PARD3B: variants seen among roughly 807,000 people sequenced by gnomAD.
The protein encoded by PARD3B is par-3 family cell polarity regulator beta.
Under a neutral mutation model 130.2 loss-of-function variants are expected in PARD3B, and 103 were observed. The ratio of observed to expected loss-of-function variants is 0.79; its 90% CI spans 0.67 to 0.93. The LOEUF (loss-of-function observed/expected upper bound fraction) is 0.93. PARD3B is among the 40% of genes least tolerant of loss of function. The pLI, the probability that PARD3B is intolerant of heterozygous loss-of-function variation, is 0.00. For synonymous variants in PARD3B, 583 were observed against 553.2 expected (o/e 1.05, Z -0.76); for missense variants, 1,609 against 1,499.2 (o/e 1.07, Z -1.21).
At chr2:204,900,080 T>A (rs2046802789) in intron 2 of PARD3B, among the ~76,000 whole-genome samples, 1 of 152,122 alleles carries the variant, frequency 6.6e-6, no homozygotes, top group Non-Finnish European at 1.5e-5. Context: ...TTAAATGCCT[T>A]TAGGTAGTCT....
intron 2 of PARD3B, among the ~76,000 whole-genome samples, chr2:204,835,144 A>G (rs780872941): frequency 3.3e-5 from 5 of 152,240 alleles, no homozygotes; most frequent in African/African-American, 4.8e-5. Context: ...AGTCATGTAT[A>G]TATCTGTCTC....
chr2:204,578,855 T>C (rs1416028222), intron 1 of PARD3B, among the ~76,000 whole-genome samples: 1 of 152,072 alleles, frequency 6.6e-6, no homozygotes, highest in Non-Finnish European at 1.5e-5. Flanking sequence ...AGAGAGGTCA[T>C]AATCTGGGAA....
rs1449220932 is a variant in PARD3B, at chr2:205,197,823, A to AC, written c.2140+4504dup. Among the ~76,000 whole-genome samples, 3 of 152,022 alleles carry AC rather than the reference A, an allele frequency of 2.0e-5. No homozygotes were observed. In the East Asian group the frequency reaches 5.8e-4, roughly 29 times the overall value. ...ACCAGAATTACTGTGTTCAGTCTGG[A>AC]CTCCTTTAATTTGTTCATAATTGAG... On this transcript the variant is annotated intron_variant, in intron 15 of 22. Coordinates refer to ENST00000406610, the MANE Select transcript of PARD3B (RefSeq NM_001302769.2).
chr2:204,819,711 T>TA lies in PARD3B; in HGVS notation c.222+133434dup, dbSNP rs780597191. The stretch of plus-strand genomic sequence containing the variant: ...CATAGATAAAGTTCTCGAAGGAAAT[T>TA]AAAAAGACTCTTACAGTAAACACAT... On this transcript the variant is annotated intron_variant, in intron 2 of 22. Transcript: ENST00000406610. Among the ~76,000 whole-genome samples the TA allele has an allele frequency of 6.6e-5, 10 of 152,232 alleles. No homozygotes were observed. The South Asian group carries it at 8.3e-4, about 13-fold the overall frequency.
intron 18 of PARD3B, among the ~76,000 whole-genome samples, chr2:205,354,280 C>T (rs1333721659): frequency 3.3e-5 from 5 of 151,568 alleles, no homozygotes; most frequent in East Asian, 1.9e-4. Context: ...CCACTGCCCC[C>T]GTTCAGTTAC....
At chr2:205,124,507 G>T (rs954836037) in intron 9 of PARD3B, 41 bp downstream of exon 9, 28 of 1,468,440 alleles carry the variant, frequency 1.9e-5, no homozygotes, top group Non-Finnish European at 2.4e-5. Flanking sequence ...ATATTTCTTG[G>T]CATTTAAATA....
At chr2:204,761,805 A>T (rs1241060653) in intron 2 of PARD3B, among the ~76,000 whole-genome samples, 2 of 152,126 alleles carry the variant, frequency 1.3e-5, no homozygotes, top group Non-Finnish European at 2.9e-5. Context: ...ACAGTGATTT[A>T]TCTGACATGT....
At chr2:205,508,339 G>A (rs1461203406) in intron 21 of PARD3B, among the ~76,000 whole-genome samples, 6 of 152,138 alleles carry the variant, frequency 3.9e-5, no homozygotes, top group Admixed American at 1.3e-4. Flanking sequence ...TTGGGAGGCC[G>A]AGATGAGAGG....
chr2:205,474,364 T>A (rs2048953509), intron 20 of PARD3B, among the ~76,000 whole-genome samples: 1 of 152,194 alleles, frequency 6.6e-6, no homozygotes, highest in African/African-American at 2.4e-5. Context: ...TGTTTATCAC[T>A]GCATATAAAA....
chr2:204,672,229 C>T (rs1365965601), intron 1 of PARD3B, among the ~76,000 whole-genome samples: 2 of 152,180 alleles, frequency 1.3e-5, no homozygotes, highest in East Asian at 3.8e-4. Context: ...AGGCTATTTT[C>T]TGAAAAGTTT....
At chr2:205,103,097 T>A (rs13432993) in intron 4 of PARD3B, among the ~76,000 whole-genome samples, 1 of 146,858 alleles carries the variant, frequency 6.8e-6, no homozygotes, top group African/African-American at 2.5e-5. Flanking sequence ...TTTATTTTTT[T>A]ATTTTTATAT....
chr2:205,449,532 C>G (rs1172495359), intron 20 of PARD3B, among the ~76,000 whole-genome samples: 1 of 152,074 alleles, frequency 6.6e-6, no homozygotes, highest in South Asian at 2.1e-4. Flanking sequence ...CGCCTGGCCC[C>G]CTTTATTTTT....
At chr2:204,938,124 C>T (rs927558992) in intron 2 of PARD3B, among the ~76,000 whole-genome samples, 5 of 152,106 alleles carry the variant, frequency 3.3e-5, no homozygotes, top group African/African-American at 1.2e-4. Flanking sequence ...TTTTGTCTGG[C>T]TGGATGTCCA....
intron 2 of PARD3B, among the ~76,000 whole-genome samples, chr2:204,912,516 TAACA>T (rs1197248279): frequency 2.6e-5 from 4 of 152,310 alleles, no homozygotes; most frequent in Admixed American, 2.0e-4. Context: ...TATACTTTAC[TAACA>T]GTTTCATCAA....
chr2:204,809,460 T>C (rs114670582), intron 2 of PARD3B, among the ~76,000 whole-genome samples: 2,837 of 152,268 alleles, frequency 0.019, 41 homozygotes, highest in Non-Finnish European at 0.027. Flanking sequence ...GTATATGATA[T>C]AAGGAAATGG....
At chr2:205,602,677 G>C (rs765699768) in intron 22 of PARD3B, among the ~76,000 whole-genome samples, 6 of 152,148 alleles carry the variant, frequency 3.9e-5, no homozygotes, top group Non-Finnish European at 7.4e-5. Flanking sequence ...ATAGCATTCT[G>C]ATGGTTGTTT....
At position 205,125,472 on chromosome 2, in the gene PARD3B, C is replaced by A; in HGVS notation, c.1306-137C>A. ...ATGGGAAATATTGTTGGGTTTTGCC[C>A]ATGTATTTAGTTATCATCTTTTCAG... is the stretch of plus-strand genomic sequence containing the variant. On this transcript the variant is annotated intron_variant, in intron 9 of 22. Transcript: ENST00000406610. This position sits in a 1 kb window ranked among gnomAD's most constrained non-coding sequence, Gnocchi z 4.0. 1.1e-6 allele frequency: 1 copy of A among 938,306 alleles called. No homozygotes were observed. The highest frequency in any genetic ancestry group is 1.6e-6 in the Non-Finnish European group (1 of 640,516). The allele number at this position is 938,306 out of a possible 1,614,324, so 58.1% of individuals were successfully genotyped here. A position where few individuals can be genotyped will look rare whatever the true frequency, so the allele number is the denominator to read the frequency against.
intron 2 of PARD3B, among the ~76,000 whole-genome samples, chr2:204,758,217 T>C (rs2040758605): frequency 6.6e-6 from 1 of 152,102 alleles, no homozygotes; most frequent in African/African-American, 2.4e-5. Context: ...AGATGGGTGT[T>C]CCAAGAAGGA....
At chr2:205,360,072 T>C (rs180684383) in intron 18 of PARD3B, among the ~76,000 whole-genome samples, 4 of 152,342 alleles carry the variant, frequency 2.6e-5, no homozygotes, top group Admixed American at 2.6e-4. Context: ...TACTTGGTAT[T>C]GTCTACATTT....
Sources: allele counts gnomAD v4.1 joint callset (sites outside exome capture counted in the v4.1 genomes callset), GRCh38; gene constraint gnomAD v4.1.1; non-coding constraint Gnocchi (gnomAD v3.1); transcripts MANE v1.5; gene names NCBI Gene and HGNC (gene_info 2026-07-23, HGNC 2026-07-21).